Variants in PLEKHD1 observed in about 807,000 individuals in gnomAD.
The protein encoded by PLEKHD1 is pleckstrin homology and coiled-coil domain containing D1.
Under a neutral mutation model 69.2 loss-of-function variants are expected in PLEKHD1, and 51 were observed. That is an observed-to-expected ratio of 0.74 (90% CI 0.59 to 0.93). The LOEUF (loss-of-function observed/expected upper bound fraction) is 0.93, where lower values mean the gene tolerates loss of function less well. PLEKHD1 is among the 40% of genes least tolerant of loss of function. The pLI, the probability that PLEKHD1 is intolerant of heterozygous loss-of-function variation, is 0.00. For missense variants in PLEKHD1, 584 were observed against 641.0 expected (o/e 0.91, Z 0.96); for synonymous variants, 236 against 244.7 (o/e 0.96, Z 0.33).
chr14:69,476,257 CAAAAAAA>C, the PLEKHD1 span, among the ~76,000 whole-genome samples: 2 of 77,320 alleles, frequency 2.6e-5, no homozygotes, highest in Non-Finnish European at 5.0e-5. Flanking sequence ...GACTCTGTCT[CAAAAAAA>C]AAAAAAAAAA....
intron 1 of PLEKHD1, among the ~76,000 whole-genome samples, chr14:69,487,182 A>AGC (rs564634165): frequency 7.1e-6 from 1 of 140,356 alleles, no homozygotes; most frequent in Non-Finnish European, 1.5e-5. Context: ...GGGAATACAC[A>AGC]ACACACACAC....
At position 69,485,104 on chromosome 14, in the gene PLEKHD1, T is replaced by G. The variant is rs1269825254; in HGVS notation, c.139T>G (p.Trp47Gly). ...GCCTTTCGGCAGGCCGTCGGCCAAG[T>G]GGTCCCGGCGGTGAGTGCGCCCCCG... ...KRPFGRPSAK[W>G]SRRFFIIKES... Residue 47 changes from tryptophan to glycine, a missense_variant, in exon 1 of 13, where the codon TGG becomes GGG. Transcript: ENST00000322564. 1 of 1,550,120 alleles carries G rather than the reference T, an allele frequency of 6.5e-7. No homozygotes were observed. Among genetic ancestry groups the G allele is most frequent in the East Asian group, 2.4e-5 (1 of 40,902 alleles).
At chr14:69,496,906 G>C (rs1882902299) in intron 1 of PLEKHD1, among the ~76,000 whole-genome samples, 2 of 151,924 alleles carry the variant, frequency 1.3e-5, no homozygotes, top group Admixed American at 1.3e-4. Flanking sequence ...CTACCCTTAA[G>C]ACCTTCCTTA....
intron 1 of PLEKHD1, among the ~76,000 whole-genome samples, chr14:69,490,488 C>T (rs923632237): frequency 6.6e-6 from 1 of 152,180 alleles, no homozygotes; most frequent in African/African-American, 2.4e-5. Flanking sequence ...AGGCCATGGA[C>T]TGGTACTGGT....
chr14:69,474,271 T>C, the PLEKHD1 span, among the ~76,000 whole-genome samples: 1 of 152,118 alleles, frequency 6.6e-6, no homozygotes, highest in Admixed American at 6.5e-5. Context: ...AGATAATATC[T>C]TACCATATTT....
intron 5 of PLEKHD1, 195 bp downstream of exon 5, chr14:69,502,020 C>A: frequency 2.0e-6 from 1 of 498,474 alleles, no homozygotes; most frequent in Admixed American, 3.6e-5. Flanking sequence ...AAGGCAGGAG[C>A]GTCTGATGGT....
At chr14:69,475,329 C>T in the PLEKHD1 span, among the ~76,000 whole-genome samples, 1 of 152,178 alleles carries the variant, frequency 6.6e-6, no homozygotes, top group Non-Finnish European at 1.5e-5. Flanking sequence ...CATGCATCAC[C>T]CACAAGAGGG....
chr14:69,471,592 C>T, the PLEKHD1 span, among the ~76,000 whole-genome samples: 2 of 152,146 alleles, frequency 1.3e-5, no homozygotes, highest in African/African-American at 2.4e-5. Context: ...ACTGTACTAC[C>T]TTGAATAGGG....
intron 1 of PLEKHD1, among the ~76,000 whole-genome samples, chr14:69,489,583 G>GAA (rs1024826106): frequency 1.3e-4 from 14 of 111,270 alleles, no homozygotes; most frequent in African/African-American, 4.6e-4. Flanking sequence ...AAAAAAAAAG[G>GAA]AAAAAAAAAG....
chr14:69,485,605 G>A (rs1268862964), intron 1 of PLEKHD1, among the ~76,000 whole-genome samples: 2 of 152,292 alleles, frequency 1.3e-5, no homozygotes, highest in African/African-American at 4.8e-5. Context: ...CTTCTGAAAG[G>A]CTCAGGCTAA....
chr14:69,480,103 G>C (rs1253279286), upstream of PLEKHD1, among the ~76,000 whole-genome samples: 1 of 152,230 alleles, frequency 6.6e-6, no homozygotes, highest in Non-Finnish European at 1.5e-5. Flanking sequence ...AGACAGACGT[G>C]TGTTAGAATG....
chr14:69,485,481 AC>A, intron 1 of PLEKHD1, among the ~76,000 whole-genome samples: 1 of 152,024 alleles, frequency 6.6e-6, no homozygotes, highest in Non-Finnish European at 1.5e-5. Context: ...CAACCCCGGG[AC>A]CCCCACTGTC....
intron 6 of PLEKHD1, among the ~76,000 whole-genome samples, chr14:69,518,030 ATTTGTTTG>A (rs34205458): frequency 5.0e-3 from 193 of 38,550 alleles, no homozygotes; most frequent in African/African-American, 0.013. Flanking sequence ...TTATTTATTT[ATTTGTTTG>A]TTTGTTTGTT....
chr14:69,514,377 C>T (rs966092365), intron 6 of PLEKHD1, among the ~76,000 whole-genome samples: 4 of 151,930 alleles, frequency 2.6e-5, no homozygotes, highest in South Asian at 4.1e-4. Flanking sequence ...CCATCATAAG[C>T]ATTCTTCACT....
intron 6 of PLEKHD1, among the ~76,000 whole-genome samples, chr14:69,508,669 G>A (rs1307065047): frequency 6.6e-6 from 1 of 152,198 alleles, no homozygotes; most frequent in East Asian, 1.9e-4. Flanking sequence ...AGAGACGAAA[G>A]AGTATATTTG....
At chr14:69,526,869 C>T (rs1883663191) in intron 10 of PLEKHD1, 40 bp downstream of exon 10, 3 of 1,489,020 alleles carry the variant, frequency 2.0e-6, no homozygotes, top group Non-Finnish European at 2.7e-6. Flanking sequence ...CTTCCCCTTC[C>T]CTGGAGACTC....
At chr14:69,498,588 TTTCTC>T (rs71102658) in intron 1 of PLEKHD1, among the ~76,000 whole-genome samples, 10,547 of 108,458 alleles carry the variant, frequency 0.097, 516 homozygotes, top group African/African-American at 0.099. Context: ...TTCTTTTTGT[TTTCTC>T]TTCTCTTCTC....
At chr14:69,510,945 G>A (rs561430673) in intron 6 of PLEKHD1, among the ~76,000 whole-genome samples, 1 of 152,274 alleles carries the variant, frequency 6.6e-6, no homozygotes, top group South Asian at 2.1e-4. Flanking sequence ...TTACTAGTTT[G>A]TTGAGAGTTT....
the PLEKHD1 span, among the ~76,000 whole-genome samples, chr14:69,471,200 G>T: frequency 2.8e-5 from 4 of 145,450 alleles, no homozygotes; most frequent in African/African-American, 7.7e-5. Flanking sequence ...CTCTACTCCG[G>T]GCTCAAGCAA....
Sources: gnomAD v4.1 joint callset for allele counts (sites outside exome capture counted in the v4.1 genomes callset) on GRCh38, gnomAD v4.1.1 for gene constraint, MANE v1.5 for transcripts, NCBI Gene and HGNC (gene_info 2026-07-23, HGNC 2026-07-21) for gene names.